The following KMT2C variants were observed in gnomAD, a reference collection of about 807,000 sequenced individuals.
The protein encoded by KMT2C is lysine methyltransferase 2C.
Under a neutral mutation model 507.9 loss-of-function variants are expected in KMT2C, and 88 were observed. That is an observed-to-expected ratio of 0.17 (90% confidence interval 0.15 to 0.21). The LOEUF (loss-of-function observed/expected upper bound fraction) is 0.21, where lower values mean the gene tolerates loss of function less well. Among genes scored for constraint, KMT2C ranks in the 10% least tolerant of loss-of-function variants. The pLI, the probability that KMT2C is intolerant of heterozygous loss-of-function variation, is 1.00. For missense variants in KMT2C, 4,954 were observed against 5,957.8 expected (o/e 0.83, Z 5.55); for synonymous variants, 2,049 against 2,080.8 (o/e 0.98, Z 0.42).
Position 152,187,988 on chromosome 7 carries a change from A to C in KMT2C, c.4661-141T>G. On this transcript the variant is annotated intron_variant, in intron 31 of 58. Coordinates refer to ENST00000262189, the MANE Select transcript of KMT2C (RefSeq NM_170606.3). The stretch of plus-strand genomic sequence containing the variant: ...TTTTTTTCAACTGAATGTGGATAGA[A>C]AACACAGGGAAACCCATGCATAGAG... 7.9e-6 allele frequency: 6 copies of C among 763,970 alleles called. No individual in the cohort carries two copies. The East Asian group carries it at 1.1e-4, about 14-fold the overall frequency. The allele number at this position is 763,970 out of a possible 1,614,324, so 47.3% of individuals were successfully genotyped here.
intron 43 of KMT2C, among the ~76,000 whole-genome samples, chr7:152,159,919 C>T (rs2092343317): frequency 6.6e-6 from 1 of 152,162 alleles, no homozygotes; most frequent in Non-Finnish European, 1.5e-5. Context: ...CAGTTATATT[C>T]TAAATAGTTT....
At chr7:152,147,723 A>AAAAAAAAAAAG (rs1554454320) in intron 52 of KMT2C, among the ~76,000 whole-genome samples, 1 of 133,924 alleles carries the variant, frequency 7.5e-6, no homozygotes, top group Non-Finnish European at 1.5e-5. Context: ...AAAAAAAAAA[A>AAAAAAAAAAAG]AAAAAGAAAA....
rs765105659 is a variant in KMT2C at position 152,182,350 on chromosome 7, G to A, written c.5510C>T (p.Thr1837Ile). Residue 1837 changes from threonine (T) to isoleucine (I), a missense_variant, in exon 36 of 59, where the codon ACC becomes ATC. Around this residue, in one of 29 missense-constraint regions of KMT2C, gnomAD observed 1,689 missense variants for 1,654.3 expected, o/e 1.02. Coordinates refer to ENST00000262189, the MANE Select transcript of KMT2C (RefSeq NM_170606.3). ...KELFTKQPPS[T>I]PTSTSSDDVF... is the part of the protein sequence containing the mutation. The stretch of plus-strand genomic sequence containing the variant: ...ATCATCTGAAGATGTAGACGTAGGG[G>A]TACTGGGTGGCTGTTTTGTAAACAG... 5.9e-5 allele frequency: 95 copies of A among 1,613,800 alleles called. No homozygotes were observed. The South Asian group carries it at 1.0e-3, about 18-fold the overall frequency.
chr7:152,185,995 A>G (rs752310828), intron 33 of KMT2C, among the ~76,000 whole-genome samples: 2 of 152,188 alleles, frequency 1.3e-5, no homozygotes, highest in Non-Finnish European at 2.9e-5. Context: ...AAATCTATCA[A>G]TTTGACCTAC....
rs141757887 is a variant in KMT2C, at chr7:152,170,991, C to A, written c.9453+273G>T. Among the ~76,000 whole-genome samples, 102 of 152,212 alleles carry A rather than the reference C, an allele frequency of 6.7e-4. No homozygotes were observed. In the East Asian group the frequency reaches 0.016, roughly 23 times the overall value. On this transcript the variant is annotated intron_variant, in intron 40 of 58. Transcript: ENST00000262189. ...TATAAATCCTTTTCAGAAATCACAG[C>A]CAATTTTTTTAACCTTAATTTGTCT...
chr7:152,320,117 C>G (rs2129205492), intron 3 of KMT2C, among the ~76,000 whole-genome samples: 1 of 152,310 alleles, frequency 6.6e-6, no homozygotes, highest in Admixed American at 6.5e-5. Flanking sequence ...ACCCACCGAA[C>G]CTGTGGGGCT....
At chr7:152,187,918 T>C in intron 31 of KMT2C, 71 bp from the exon 32 acceptor site, 3 of 1,469,952 alleles carry the variant, frequency 2.0e-6, no homozygotes, top group Non-Finnish European at 2.8e-6. Flanking sequence ...AAGCTGGCCC[T>C]TGAACAACAT....
rs2092584005 is a variant in KMT2C at position 152,163,776 on chromosome 7, G to C, written c.9801C>G (p.Ile3267Met). The change falls in exon 43 of 59, where the codon ATC (isoleucine) becomes ATG (methionine). Residue 3267 changes from isoleucine to methionine, a missense_variant. Ile to Met is a conservative substitution (Grantham distance 10). This residue lies in a region of KMT2C where 801 missense variants were observed against 751.2 expected (regional missense o/e 1.07). Transcript: ENST00000262189. ...CCATTGCACATTGCTGCTGCTGTTT[G>C]ATCCGATAATCTTCAATCAATTCAG... Reference protein sequence around the residue: ...EHAELIEDYRIKQQQQCAMAP... With the variant: ...EHAELIEDYRMKQQQQCAMAP... 6.2e-7 allele frequency: 1 copy of C among 1,614,164 alleles called. No individual in the cohort carries two copies. The highest frequency in any genetic ancestry group is 8.5e-7 in the Non-Finnish European group (1 of 1,180,036).
chr7:152,220,848 T>C (rs1346582123), intron 22 of KMT2C, 113 bp from the exon 23 acceptor site: 14 of 716,114 alleles, frequency 2.0e-5, no homozygotes, highest in Middle Eastern at 3.9e-4. Flanking sequence ...TAGAAAGCAA[T>C]TACGTATCTA....
intron 41 of KMT2C, 53 bp from the exon 42 acceptor site, chr7:152,167,431 A>G (rs976786970): frequency 9.9e-6 from 12 of 1,211,572 alleles, no homozygotes; most frequent in African/African-American, 7.5e-5. Flanking sequence ...GTCCAACATT[A>G]TAAGTTACAC....
chr7:152,156,220 A>G lies in KMT2C; in HGVS notation c.11797T>C (p.Leu3933=), dbSNP rs1409676092. The G allele has an allele frequency of 6.2e-7, 1 of 1,614,052 alleles. No homozygotes were observed. Among genetic ancestry groups the G allele is most frequent in the Non-Finnish European group, 8.5e-7 (1 of 1,180,020 alleles). Residue 3933 remains leucine, a synonymous_variant, in exon 45 of 59, where the codon TTA becomes CTA. Coordinates refer to ENST00000262189, the MANE Select transcript of KMT2C (RefSeq NM_170606.3). The part of the protein sequence containing the change: ...TEELAGKAGV[L]VSHEVTKTLG... ...ATAATCATACCTTCATGGCTCACTA[A>G]CACTCCGGCTTTTCCAGCAAGTTCT...
intron 13 of KMT2C, among the ~76,000 whole-genome samples, chr7:152,249,673 CA>C (rs1183345172): frequency 0.043 from 1,481 of 34,390 alleles, 3 homozygotes; most frequent in African/African-American, 0.064. Flanking sequence ...CTCCCCCCTC[CA>C]AAAAAAAAAA....
chr7:152,207,537 C>T (rs1272597519), intron 23 of KMT2C, 109 bp from the exon 24 acceptor site: 70 of 922,162 alleles, frequency 7.6e-5, no homozygotes, highest in Non-Finnish European at 1.1e-4. Context: ...TTTAATTGTA[C>T]ATCCCTGTTG....
chr7:152,282,127 A>G (rs923529290), intron 6 of KMT2C, among the ~76,000 whole-genome samples: 7 of 151,966 alleles, frequency 4.6e-5, no homozygotes, highest in African/African-American at 1.7e-4. Context: ...CCCCATTTCT[A>G]CCAAAAAAAA....
Position 152,162,507 on chromosome 7 carries a change from T to C in KMT2C, c.11070A>G (p.Ser3690=). Reference sequence around the variant, plus strand: ...ACGTCTGTTGATTTGGAGTTGCTTGTGAGAAATCACTATTGGGCAGTTTGT... The same window carrying C: ...ACGTCTGTTGATTTGGAGTTGCTTGCGAGAAATCACTATTGGGCAGTTTGT... ...LENKLPNSDF[S]QATPNQQTYA... is the part of the protein sequence containing the mutation. The change falls in exon 43 of 59, where the codon TCA becomes TCG. Residue 3690 remains serine (S), a synonymous_variant. Coordinates refer to ENST00000262189, the MANE Select transcript of KMT2C (RefSeq NM_170606.3). 3 of 1,614,242 alleles carry C rather than the reference T, an allele frequency of 1.9e-6. No homozygotes were observed. The highest frequency in any genetic ancestry group is 1.1e-5 in the South Asian group (1 of 91,086).
At chr7:152,249,363 A>G (rs1319515972) in intron 13 of KMT2C, among the ~76,000 whole-genome samples, 1 of 133,914 alleles carries the variant, frequency 7.5e-6, no homozygotes, top group Non-Finnish European at 1.5e-5. Flanking sequence ...TCACTCTGTG[A>G]CCCAAGCTGG....
intron 18 of KMT2C, among the ~76,000 whole-genome samples, chr7:152,228,337 C>G (rs1205663718): frequency 6.6e-6 from 1 of 152,168 alleles, no homozygotes; most frequent in East Asian, 1.9e-4. Flanking sequence ...CTTGCCCCAG[C>G]AAGCTTAAAA....
chr7:152,264,313 C>A (rs2095827007), intron 8 of KMT2C, among the ~76,000 whole-genome samples: 1 of 152,080 alleles, frequency 6.6e-6, no homozygotes, highest in Non-Finnish European at 1.5e-5. Flanking sequence ...AAATTCTCAG[C>A]CTGTAAATGA....
At chr7:152,255,601 T>C (rs2095647859) in intron 9 of KMT2C, among the ~76,000 whole-genome samples, 1 of 152,136 alleles carries the variant, frequency 6.6e-6, no homozygotes, top group Non-Finnish European at 1.5e-5. Flanking sequence ...GGATAAGTTC[T>C]GAAGGGGCCC....
Sources: gnomAD v4.1 joint callset for allele counts (sites outside exome capture counted in the v4.1 genomes callset) on GRCh38, gnomAD v4.1.1 for gene constraint, gnomAD v4.1.1 regional missense constraint, MANE v1.5 for transcripts, NCBI Gene and HGNC (gene_info 2026-07-23, HGNC 2026-07-21) for gene names.